The following TRPC4 variants were observed in gnomAD, a reference collection of about 807,000 sequenced individuals.
TRPC4 encodes transient receptor potential cation channel subfamily C member 4, also known as short transient receptor potential channel 4.
In TRPC4, 49 loss-of-function variants were observed where a neutral mutation model predicts 99.4. The ratio of observed to expected loss-of-function variants is 0.49; its 90% CI spans 0.39 to 0.63. The LOEUF (loss-of-function observed/expected upper bound fraction) is 0.63, where lower values mean the gene tolerates loss of function less well. Ranked by LOEUF, TRPC4 falls within the 20% of genes least tolerant of loss-of-function variation. TRPC4 has a pLI of 0.00. For missense variants in TRPC4, 898 were observed against 1,152.9 expected, an observed-to-expected ratio of 0.78 and a Z score of 3.20; for synonymous variants, 454 against 425.9, an observed-to-expected ratio of 1.07 and a Z score of -0.81.
Position 37,635,800 on chromosome 13 carries a change from T to C in TRPC4, c.*1103A>G, listed in dbSNP as rs1359287401. Reference sequence around the variant, plus strand: ...AAACAATAGAAAGAAAAACAAGAAATAAGAATGTTTTTCCTATAGGCAAAA... The same window carrying C: ...AAACAATAGAAAGAAAAACAAGAAACAAGAATGTTTTTCCTATAGGCAAAA... On this transcript the variant is annotated 3_prime_UTR_variant, in exon 11 of 11. Coordinates refer to ENST00000379705, the MANE Select transcript of TRPC4 (RefSeq NM_016179.4). Among the ~76,000 whole-genome samples the C allele has an allele frequency of 1.3e-5, 2 of 152,054 alleles. No homozygotes were observed. Among genetic ancestry groups the C allele is most frequent in the African/African-American group, 2.4e-5 (1 of 41,438 alleles).
chr13:37,665,840 CAAAAAA>C (rs1168472231), intron 5 of TRPC4, among the ~76,000 whole-genome samples: 844 of 71,030 alleles, frequency 0.012, 6 homozygotes, highest in Middle Eastern at 0.029. Flanking sequence ...TCAGCTGAGA[CAAAAAA>C]AAAAAAAAAA....
At chr13:37,687,913 A>C (rs1421476658) in intron 4 of TRPC4, among the ~76,000 whole-genome samples, 1 of 152,176 alleles carries the variant, frequency 6.6e-6, no homozygotes, top group African/African-American at 2.4e-5. Context: ...CCTGAGAAGG[A>C]TATTGGTGTC....
At chr13:37,656,036 A>G (rs1952222591) in intron 6 of TRPC4, among the ~76,000 whole-genome samples, 1 of 152,156 alleles carries the variant, frequency 6.6e-6, no homozygotes, top group South Asian at 2.1e-4. Flanking sequence ...CAGAATGCTT[A>G]CGTAATAAAA....
intron 3 of TRPC4, among the ~76,000 whole-genome samples, chr13:37,697,175 T>C (rs1458007160): frequency 2.0e-5 from 3 of 152,162 alleles, no homozygotes; most frequent in African/African-American, 7.2e-5. Context: ...GCATTCAGCA[T>C]CATATGTGAG....
Position 37,783,060 on chromosome 13 carries a change from A to C in TRPC4, c.274T>G (p.Phe92Val). The C allele has an allele frequency of 6.2e-7, 1 of 1,613,306 alleles. No homozygotes were observed. Among genetic ancestry groups the C allele is most frequent in the Non-Finnish European group, 8.5e-7 (1 of 1,179,696 alleles). ...NLELIELLLS[F>V]NVYVGDALLH... ...AGAGCATCTCCAACATAGACATTAAAGCTTAAGAGTAGTTCGATGAGCTCC... is the reference window on the plus strand; with the variant it reads ...AGAGCATCTCCAACATAGACATTAACGCTTAAGAGTAGTTCGATGAGCTCC... Residue 92 changes from phenylalanine (F) to valine (V), a missense_variant, in exon 2 of 11, where the codon TTT becomes GTT. Around this residue, in one of 3 missense-constraint regions of TRPC4, gnomAD observed 278 missense variants for 346.6 expected, o/e 0.80. Coordinates refer to ENST00000379705, the MANE Select transcript of TRPC4 (RefSeq NM_016179.4).
rs138477599 is a variant in TRPC4, at chr13:37,664,140, T to A, written c.1375-411A>T. Among the ~76,000 whole-genome samples the A allele has an allele frequency of 2.3e-3, 344 of 152,312 alleles. 1 individual carries two copies. The highest frequency in any genetic ancestry group is 7.8e-3 in the African/African-American group (323 of 41,556). On this transcript the variant is annotated intron_variant, in intron 5 of 10. Transcript: ENST00000379705. ...CATGATTTGAGAAAAAAATTGCTAC[T>A]GTAAACTTTGACCAGCAATTATTTA... is the stretch of plus-strand genomic sequence containing the variant.
At chr13:37,795,404 C>T (rs1957219986) in intron 1 of TRPC4, among the ~76,000 whole-genome samples, 1 of 152,096 alleles carries the variant, frequency 6.6e-6, no homozygotes, top group South Asian at 2.1e-4. Flanking sequence ...GAGGAGGAGC[C>T]TTGTTGACAG....
chr13:37,726,687 C>T (rs961939378), intron 3 of TRPC4, among the ~76,000 whole-genome samples: 1 of 151,980 alleles, frequency 6.6e-6, no homozygotes, highest in Non-Finnish European at 1.5e-5. Context: ...AGACATGGCT[C>T]AACTATATGC....
At chr13:37,760,071 G>A (rs1317624385) in intron 2 of TRPC4, among the ~76,000 whole-genome samples, 2 of 151,966 alleles carry the variant, frequency 1.3e-5, no homozygotes, top group Non-Finnish European at 2.9e-5. Flanking sequence ...CTAGAGAGTT[G>A]TAGAATAATT....
intron 1 of TRPC4, among the ~76,000 whole-genome samples, chr13:37,812,180 A>AAAAAAAAAAACAAAC (rs1566188802): frequency 1.4e-5 from 2 of 145,728 alleles, no homozygotes; most frequent in African/African-American, 5.2e-5. Flanking sequence ...CTCTATCAAA[A>AAAAAAAAAAACAAAC]AAAAAAAAAA....
At chr13:37,747,916 A>C (rs1196457774) in intron 2 of TRPC4, among the ~76,000 whole-genome samples, 1 of 152,112 alleles carries the variant, frequency 6.6e-6, no homozygotes, top group Non-Finnish European at 1.5e-5. Context: ...AGGTAAATAA[A>C]GTTTCCTTGG....
Position 37,855,930 on chromosome 13 carries a change from G to C in TRPC4, c.-28+13665C>G, listed in dbSNP as rs1479888663. ...GCTGTAAGTGCCTACATCAGAAAGA[G>C]GAAAAACTTCAAATAAATGATTTAA... On this transcript the variant is annotated intron_variant, in intron 1 of 10. Transcript: ENST00000379705. Among the ~76,000 whole-genome samples the C allele has an allele frequency of 2.0e-5, 3 of 151,130 alleles. No individual in the cohort carries two copies. The East Asian group carries it at 5.8e-4, about 29-fold the overall frequency.
chr13:37,861,934 C>T (rs1959365662), intron 1 of TRPC4, among the ~76,000 whole-genome samples: 1 of 151,270 alleles, frequency 6.6e-6, no homozygotes, highest in Non-Finnish European at 1.5e-5. Flanking sequence ...CATTGGTAGA[C>T]CTAGGAATGC....
At chr13:37,732,891 A>T (rs1230331963) in intron 3 of TRPC4, among the ~76,000 whole-genome samples, 1 of 152,216 alleles carries the variant, frequency 6.6e-6, no homozygotes, top group African/African-American at 2.4e-5. Context: ...TACTGCCTGA[A>T]GCAACTACGG....
chr13:37,737,291 A>G (rs1290918098), intron 3 of TRPC4, among the ~76,000 whole-genome samples: 1 of 151,900 alleles, frequency 6.6e-6, no homozygotes, highest in Non-Finnish European at 1.5e-5. Context: ...ATGAGCAAAT[A>G]TGCCAGGAAA....
In TRPC4 at chr13:37,718,263, GA is replaced by G. The variant is rs1954747648; in HGVS notation, c.898-25929del. Among the ~76,000 whole-genome samples, 3 of 151,738 alleles carry G rather than the reference GA, an allele frequency of 2.0e-5. No individual in the cohort carries two copies. In the South Asian group the frequency reaches 6.2e-4, roughly 32 times the overall value. ...ACTGAACTGAGATTTTAAGTATACTGACTTTAAACTACAAAACGCACACACG... is the reference window on the plus strand; with the variant it reads ...ACTGAACTGAGATTTTAAGTATACTGCTTTAAACTACAAAACGCACACACG... On this transcript the variant is annotated intron_variant, in intron 3 of 10. Coordinates refer to ENST00000379705, the MANE Select transcript of TRPC4 (RefSeq NM_016179.4).
At chr13:37,731,187 C>T (rs1015236822) in intron 3 of TRPC4, among the ~76,000 whole-genome samples, 1 of 151,988 alleles carries the variant, frequency 6.6e-6, no homozygotes, top group African/African-American at 2.4e-5. Context: ...TTTAGCTGTT[C>T]GAAATAATCT....
intron 1 of TRPC4, among the ~76,000 whole-genome samples, chr13:37,796,229 C>T (rs1017127079): frequency 6.6e-6 from 1 of 152,138 alleles, no homozygotes; most frequent in African/African-American, 2.4e-5. Context: ...ATAGCAACAA[C>T]AACAACAAAA....
intron 2 of TRPC4, among the ~76,000 whole-genome samples, chr13:37,770,923 C>T (rs1440543684): frequency 6.6e-6 from 1 of 151,606 alleles, no homozygotes; most frequent in Non-Finnish European, 1.5e-5. Context: ...TTACCATCTT[C>T]ACAGAAACAC....
Sources: gnomAD v4.1 joint callset for allele counts (sites outside exome capture counted in the v4.1 genomes callset) on GRCh38, gnomAD v4.1.1 for gene constraint, gnomAD v4.1.1 regional missense constraint, MANE v1.5 for transcripts, NCBI Gene and HGNC (gene_info 2026-07-23, HGNC 2026-07-21) for gene names.